The following NKAIN3 variants were observed in gnomAD, a reference collection of about 807,000 sequenced individuals.
The protein encoded by NKAIN3 is sodium/potassium transporting ATPase interacting 3.
In NKAIN3, 25 loss-of-function variants were observed where a neutral mutation model predicts 30.2. The ratio of observed to expected loss-of-function variants is 0.83; its 90% CI spans 0.60 to 1.16. The LOEUF (loss-of-function observed/expected upper bound fraction) is 1.16. Ranked by LOEUF, NKAIN3 falls within the 50% of genes most tolerant of loss-of-function variation. The pLI, the probability that NKAIN3 is intolerant of heterozygous loss-of-function variation, is 0.00. For missense variants in NKAIN3, 225 were observed against 254.1 expected (o/e 0.89, Z 0.78); for synonymous variants, 91 against 89.6 (o/e 1.02, Z -0.09).
intron 3 of NKAIN3, among the ~76,000 whole-genome samples, chr8:62,741,361 A>AGG (rs1437603088): frequency 7.4e-4 from 87 of 118,222 alleles, no homozygotes; most frequent in African/African-American, 1.3e-3. Context: ...AAGAGAGAGA[A>AGG]AGAAGGAAGG....
At chr8:62,810,615 G>T (rs982108413) in intron 4 of NKAIN3, among the ~76,000 whole-genome samples, 1 of 144,270 alleles carries the variant, frequency 6.9e-6, no homozygotes, top group Non-Finnish European at 1.5e-5. Context: ...ATGTATGCAT[G>T]ATTGTAAGTA....
chr8:62,539,241 A>G lies in NKAIN3; in HGVS notation c.55-40298A>G, dbSNP rs559680080. On this transcript the variant is annotated intron_variant, in intron 1 of 6. Coordinates refer to ENST00000623646, the MANE Select transcript of NKAIN3 (RefSeq NM_001304533.3). ...ATTTTACAAATGTGACACCAGGAAGAATTAATTTCTTGAAAGATAACTCAG... is the reference window on the plus strand; with the variant it reads ...ATTTTACAAATGTGACACCAGGAAGGATTAATTTCTTGAAAGATAACTCAG... 2.0e-5 allele frequency among the ~76,000 whole-genome samples: 3 copies of G among 152,360 alleles called. No homozygotes were observed. The East Asian group carries it at 5.8e-4, about 29-fold the overall frequency.
chr8:62,875,348 A>G (rs1451238206), intron 4 of NKAIN3, among the ~76,000 whole-genome samples: 1 of 152,218 alleles, frequency 6.6e-6, no homozygotes, highest in African/African-American at 2.4e-5. Context: ...ATGAAAAAAC[A>G]TTCCATCCTT....
At chr8:62,600,008 TA>T in intron 3 of NKAIN3, among the ~76,000 whole-genome samples, 1 of 152,064 alleles carries the variant, frequency 6.6e-6, no homozygotes, top group South Asian at 2.1e-4. Flanking sequence ...TTGCTACACT[TA>T]AAGATAAAGA....
chr8:62,262,647 A>G (rs1159664061), intron 1 of NKAIN3, among the ~76,000 whole-genome samples: 2 of 152,146 alleles, frequency 1.3e-5, no homozygotes, highest in Admixed American at 6.6e-5. Context: ...AAGATCCCCT[A>G]AGAGTCTTTT....
intron 1 of NKAIN3, among the ~76,000 whole-genome samples, chr8:62,253,603 T>C (rs1321099225): frequency 1.3e-5 from 2 of 152,102 alleles, no homozygotes; most frequent in Non-Finnish European, 2.9e-5. Context: ...AATAAATAAA[T>C]AAATAGAGAA....
At chr8:62,850,225 A>G (rs1468242612) in intron 4 of NKAIN3, among the ~76,000 whole-genome samples, 1 of 151,948 alleles carries the variant, frequency 6.6e-6, no homozygotes, top group Non-Finnish European at 1.5e-5. Context: ...GCATTTTTTC[A>G]TGTGTCTTTT....
chr8:62,614,784 C>G (rs1452788145), intron 3 of NKAIN3, among the ~76,000 whole-genome samples: 1 of 150,746 alleles, frequency 6.6e-6, no homozygotes, highest in Non-Finnish European at 1.5e-5. Context: ...GTAGCCACTG[C>G]TACCACAGAC....
At chr8:62,487,198 C>T (rs549874314) in intron 1 of NKAIN3, among the ~76,000 whole-genome samples, 1 of 152,302 alleles carries the variant, frequency 6.6e-6, no homozygotes, top group Admixed American at 6.5e-5. Context: ...CACTCACTGG[C>T]AATGGTCACT....
intron 1 of NKAIN3, among the ~76,000 whole-genome samples, chr8:62,414,561 T>C (rs1216405048): frequency 6.6e-6 from 1 of 152,066 alleles, no homozygotes; most frequent in Non-Finnish European, 1.5e-5. Context: ...GTGTGAAAAA[T>C]GAGTCAACTT....
chr8:62,605,129 A>G (rs933138575), intron 3 of NKAIN3, among the ~76,000 whole-genome samples: 11 of 152,132 alleles, frequency 7.2e-5, no homozygotes, highest in East Asian at 5.8e-4. Context: ...AGTGACTTAA[A>G]GAATACAAAT....
rs1804149077 is a variant in NKAIN3, at chr8:62,408,654, T to C, written c.54+159527T>C. On this transcript the variant is annotated intron_variant, in intron 1 of 6. Coordinates refer to ENST00000623646, the MANE Select transcript of NKAIN3 (RefSeq NM_001304533.3). ...TGTCTGGCAGTAGGTTTTTCTACAA[T>C]GTTTTTCAAAGATCTCTGTGGCTGT... Among the ~76,000 whole-genome samples, 7 of 152,202 alleles carry C rather than the reference T, an allele frequency of 4.6e-5. No homozygotes were observed. In the South Asian group the frequency reaches 1.4e-3, roughly 31 times the overall value.
intron 1 of NKAIN3, among the ~76,000 whole-genome samples, chr8:62,325,814 T>C (rs1009712159): frequency 4.6e-5 from 7 of 152,096 alleles, no homozygotes; most frequent in African/African-American, 1.7e-4. Flanking sequence ...TGGCTGTTTG[T>C]ATATCTTTTT....
chr8:62,595,200 C>A (rs1049091124), intron 3 of NKAIN3, among the ~76,000 whole-genome samples: 4 of 151,832 alleles, frequency 2.6e-5, no homozygotes, highest in Admixed American at 1.3e-4. Flanking sequence ...TGTAATATTA[C>A]ATCAATCATG....
chr8:62,277,117 T>C (rs930505134), intron 1 of NKAIN3, among the ~76,000 whole-genome samples: 1 of 152,204 alleles, frequency 6.6e-6, no homozygotes, highest in African/African-American at 2.4e-5. Context: ...TAAAAACTAT[T>C]TTTGAAAGTC....
At chr8:62,318,825 T>C (rs2129589212) in intron 1 of NKAIN3, among the ~76,000 whole-genome samples, 1 of 152,294 alleles carries the variant, frequency 6.6e-6, no homozygotes, top group East Asian at 1.9e-4. Flanking sequence ...CAGGCTTTGG[T>C]ATCAGGATGA....
intron 1 of NKAIN3, among the ~76,000 whole-genome samples, chr8:62,367,121 T>C (rs1248072501): frequency 6.6e-6 from 1 of 152,216 alleles, no homozygotes; most frequent in East Asian, 1.9e-4. Context: ...ATATGATTTA[T>C]CCTGGAGAAT....
At chr8:62,923,428 G>T (rs1822339965) in intron 5 of NKAIN3, among the ~76,000 whole-genome samples, 1 of 152,138 alleles carries the variant, frequency 6.6e-6, no homozygotes, top group Admixed American at 6.5e-5. Flanking sequence ...AAACTCCAAG[G>T]TTCTCAAGTT....
chr8:62,931,214 G>A (rs1303996421), intron 5 of NKAIN3, among the ~76,000 whole-genome samples: 1 of 152,076 alleles, frequency 6.6e-6, no homozygotes, highest in Non-Finnish European at 1.5e-5. Flanking sequence ...AATAAAATAA[G>A]CTCATTCATA....
Sources: gnomAD v4.1 joint callset for allele counts (sites outside exome capture counted in the v4.1 genomes callset) on GRCh38, gnomAD v4.1.1 for gene constraint, MANE v1.5 for transcripts, NCBI Gene and HGNC (gene_info 2026-07-23, HGNC 2026-07-21) for gene names.